RBPMS2: variants seen among roughly 807,000 people sequenced by gnomAD.
RBPMS2 encodes the protein RNA-binding protein with multiple splicing 2.
In RBPMS2, 14 loss-of-function variants were observed where a neutral mutation model predicts 25.7. The ratio of observed to expected loss-of-function variants is 0.55; its 90% CI spans 0.36 to 0.85. The LOEUF (loss-of-function observed/expected upper bound fraction) is 0.85, where lower values mean the gene tolerates loss of function less well. RBPMS2 is among the 40% of genes least tolerant of loss of function. The pLI, the probability that RBPMS2 is intolerant of heterozygous loss-of-function variation, is 0.01. For missense variants in RBPMS2, 252 were observed against 283.4 expected (o/e 0.89, Z 0.80); for synonymous variants, 127 against 115.6 (o/e 1.10, Z -0.63).
Position 64,749,470 on chromosome 15 carries a change from G to C in RBPMS2, c.228C>G (p.Asp76Glu), listed in dbSNP as rs373158060. The change falls in exon 4 of 8, where the codon GAC becomes GAG. Residue 76 changes from aspartate (D) to glutamate (E), a missense_variant. Coordinates refer to ENST00000300069, the MANE Select transcript of RBPMS2 (RefSeq NM_194272.3). ...ARQPVGFVIF[D>E]SRAGAEAAKN... is the part of the protein sequence containing the mutation. ...TGGCCGCTTCTGCTCCTGCACGGCTGTCAAAGATCACAAAACCAACAGGCT... is the reference window on the plus strand; with the variant it reads ...TGGCCGCTTCTGCTCCTGCACGGCTCTCAAAGATCACAAAACCAACAGGCT... The C allele has an allele frequency of 1.1e-5, 17 of 1,613,384 alleles. No individual in the cohort carries two copies. Among genetic ancestry groups the C allele is most frequent in the Non-Finnish European group, 1.4e-5 (17 of 1,179,888 alleles).
chr15:64,754,772 TGG>T (rs923899369), intron 1 of RBPMS2, among the ~76,000 whole-genome samples: 1 of 151,302 alleles, frequency 6.6e-6, no homozygotes, highest in Non-Finnish European at 1.5e-5. Context: ...ATGGGTGCTT[TGG>T]GTGCTGGGAA....
chr15:64,768,582 G>C (rs1021237338), intron 1 of RBPMS2, among the ~76,000 whole-genome samples: 2 of 151,824 alleles, frequency 1.3e-5, no homozygotes, highest in African/African-American at 4.8e-5. Context: ...AGATTGCAGT[G>C]AGCCGAGATT....
At chr15:64,749,195 C>T (rs543358645) in intron 4 of RBPMS2, 45 bp from the exon 5 acceptor site, 2 of 1,608,996 alleles carry the variant, frequency 1.2e-6, no homozygotes, top group South Asian at 2.2e-5. Context: ...TCCGGGGGAC[C>T]CAGAGTGTTA....
intron 1 of RBPMS2, among the ~76,000 whole-genome samples, chr15:64,772,513 C>G (rs542039658): frequency 1.3e-5 from 2 of 152,328 alleles, no homozygotes; most frequent in South Asian, 4.1e-4. Flanking sequence ...ATACCACAGT[C>G]ATTACTGCCC....
chr15:64,749,253 C>A, intron 4 of RBPMS2, 103 bp from the exon 5 acceptor site: 12 of 1,434,918 alleles, frequency 8.4e-6, no homozygotes, highest in Non-Finnish European at 9.8e-6. Context: ...GCCTCGAAGA[C>A]CTGCCCACAC....
At chr15:64,762,469 G>A (rs114965408) in intron 1 of RBPMS2, 56 of 534,760 alleles carry the variant, frequency 1.0e-4, no homozygotes, top group African/African-American at 5.2e-4. Flanking sequence ...CACTGAGCAC[G>A]TTTTCAGAAT....
At chr15:64,764,556 T>C (rs1181330949) in intron 1 of RBPMS2, among the ~76,000 whole-genome samples, 2 of 152,188 alleles carry the variant, frequency 1.3e-5, no homozygotes, top group Non-Finnish European at 2.9e-5. Flanking sequence ...TGCAGCTCCC[T>C]GCCACAAACA....
chr15:64,757,880 G>A (rs2083748844), intron 1 of RBPMS2, among the ~76,000 whole-genome samples: 1 of 152,182 alleles, frequency 6.6e-6, no homozygotes, highest in Admixed American at 6.5e-5. Flanking sequence ...GGAGGCTGAG[G>A]TGGGAGCATC....
intron 1 of RBPMS2, among the ~76,000 whole-genome samples, chr15:64,774,320 C>A (rs1298388182): frequency 2.6e-5 from 4 of 152,212 alleles, no homozygotes; most frequent in Non-Finnish European, 4.4e-5. Context: ...CCCTGCGAAG[C>A]CTGTCCCCTT....
At chr15:64,753,944 G>A (rs960297146) in intron 1 of RBPMS2, among the ~76,000 whole-genome samples, 2 of 152,148 alleles carry the variant, frequency 1.3e-5, no homozygotes, top group African/African-American at 2.4e-5. Flanking sequence ...GTGTGCGTGT[G>A]AATCCCCAAG....
chr15:64,751,521 TCCCAGGCTCTA>T, intron 2 of RBPMS2, 29 bp downstream of exon 2: 1 of 1,560,394 alleles, frequency 6.4e-7, no homozygotes, highest in East Asian at 2.2e-5. Context: ...TTCTCCAGGG[TCCCAGGCTCTA>T]CCCAGGGGGC....
intron 1 of RBPMS2, among the ~76,000 whole-genome samples, chr15:64,758,094 G>A (rs955399304): frequency 6.6e-6 from 1 of 152,156 alleles, no homozygotes; most frequent in East Asian, 1.9e-4. Context: ...CTATTCCATG[G>A]GTTTATTACA....
chr15:64,748,152 G>C (rs113392743), intron 6 of RBPMS2, among the ~76,000 whole-genome samples: 7 of 152,344 alleles, frequency 4.6e-5, no homozygotes, highest in African/African-American at 1.7e-4. Context: ...GTCGGTGCCT[G>C]GGCAGGGGTG....
At chr15:64,763,112 TA>T (rs1253477194) in intron 1 of RBPMS2, among the ~76,000 whole-genome samples, 2 of 152,168 alleles carry the variant, frequency 1.3e-5, no homozygotes, top group Admixed American at 1.3e-4. Context: ...GCCCCGCGCT[TA>T]GGCTTGGCAC....
chr15:64,745,151 C>T (rs965474180), intron 6 of RBPMS2, among the ~76,000 whole-genome samples: 1 of 152,066 alleles, frequency 6.6e-6, no homozygotes, highest in African/African-American at 2.4e-5. Context: ...ATATGTATTG[C>T]AGTTTTTCTA....
chr15:64,760,025 C>T (rs2083769272), intron 1 of RBPMS2, among the ~76,000 whole-genome samples: 1 of 152,360 alleles, frequency 6.6e-6, no homozygotes, highest in South Asian at 2.1e-4. Context: ...GCCCTGGACA[C>T]TGCCATGGGC....
chr15:64,750,592 C>T (rs967047612), intron 2 of RBPMS2, among the ~76,000 whole-genome samples: 6 of 152,202 alleles, frequency 3.9e-5, no homozygotes, highest in Non-Finnish European at 5.9e-5. Context: ...GGGCATCACG[C>T]GGCAGCACTC....
At chr15:64,773,200 A>C (rs553973594) in intron 1 of RBPMS2, among the ~76,000 whole-genome samples, 11 of 152,324 alleles carry the variant, frequency 7.2e-5, no homozygotes, top group African/African-American at 2.4e-4. Context: ...TGCAGAACTG[A>C]CTGCTTAGGG....
chr15:64,771,501 G>A (rs1365748285), intron 1 of RBPMS2, among the ~76,000 whole-genome samples: 1 of 152,166 alleles, frequency 6.6e-6, no homozygotes, highest in Non-Finnish European at 1.5e-5. Context: ...TGGCCAACAT[G>A]GTGAAACCCC....
Sources: gnomAD v4.1 joint callset for allele counts (sites outside exome capture counted in the v4.1 genomes callset) on GRCh38, gnomAD v4.1.1 for gene constraint, MANE v1.5 for transcripts, NCBI Gene and HGNC (gene_info 2026-07-23, HGNC 2026-07-21) for gene names.